Variants in RYR3 observed in about 807,000 individuals in gnomAD.
RYR3 encodes brain ryanodine receptor-calcium release channel.
A neutral mutation model predicts 584.3 loss-of-function variants in RYR3; 207 were observed. The ratio of observed to expected loss-of-function variants is 0.35; its 90% confidence interval spans 0.32 to 0.40. The LOEUF is 0.40. Ranked by LOEUF, RYR3 falls within the 10% of genes least tolerant of loss-of-function variation. The pLI is 1.00. For missense variants in RYR3, 5,616 were observed against 6,089.2 expected (o/e 0.92, Z 2.59); for synonymous variants, 2,416 against 2,248.5 (o/e 1.07, Z -2.11).
chr15:33,336,501 AGAAGGAGGGAAGGAGG>A lies in RYR3; in HGVS notation c.51+25444_51+25459del, dbSNP rs1236824129. 3.1e-4 allele frequency among the ~76,000 whole-genome samples: 6 copies of A among 19,118 alleles called. 2 individuals carry two copies. The highest frequency in any genetic ancestry group is 2.2e-3 in the East Asian group (2 of 922). The allele number at this position is 19,118 out of a possible 152,430, so 12.5% of individuals were successfully genotyped here. ...GAGAGAGAGAGAAAGAAAGAAAGAAAGAAGGAGGGAAGGAGGGAAGGAGGGAAGGAGGGAAGGAGGG... is the reference window on the plus strand; with the variant it reads ...GAGAGAGAGAGAAAGAAAGAAAGAAAGAAGGAGGGAAGGAGGGAAGGAGGG... On this transcript the variant is annotated intron_variant, in intron 1 of 103. Transcript: ENST00000634891.
intron 27 of RYR3, among the ~76,000 whole-genome samples, chr15:33,641,846 G>T (rs946892108): frequency 6.6e-6 from 1 of 152,078 alleles, no homozygotes; most frequent in Non-Finnish European, 1.5e-5. Flanking sequence ...TGCCCCACAG[G>T]GACAACACTT....
chr15:33,843,728 A>C (rs148087820), intron 92 of RYR3, among the ~76,000 whole-genome samples, 154 bp downstream of exon 92: 1 of 152,230 alleles, frequency 6.6e-6, no homozygotes, highest in Non-Finnish European at 1.5e-5. Flanking sequence ...AAAGGAATAC[A>C]ATTTCTAGCA....
chr15:33,375,341 T>C (rs2040645536), intron 1 of RYR3, among the ~76,000 whole-genome samples: 1 of 152,210 alleles, frequency 6.6e-6, no homozygotes, highest in Admixed American at 6.5e-5. Context: ...AGAGAGATGT[T>C]GATTGTTTAG....
chr15:33,556,036 G>A (rs1043621322), intron 10 of RYR3, among the ~76,000 whole-genome samples: 2 of 45,152 alleles, frequency 4.4e-5, no homozygotes, highest in African/African-American at 1.4e-4. Flanking sequence ...CCAGAGACAC[G>A]TGGAAATAGT....
At chr15:33,695,158 TG>T (rs2065747001) in intron 38 of RYR3, among the ~76,000 whole-genome samples, 1 of 152,174 alleles carries the variant, frequency 6.6e-6, no homozygotes, top group Admixed American at 6.5e-5. Context: ...ATCCATACCT[TG>T]TAGGACTGTG....
chr15:33,473,894 C>G (rs1245921176), intron 2 of RYR3, among the ~76,000 whole-genome samples: 1 of 152,142 alleles, frequency 6.6e-6, no homozygotes, highest in East Asian at 1.9e-4. Flanking sequence ...TTACTCCCTG[C>G]TGTTGTTCTA....
In RYR3 at chr15:33,368,561, A is replaced by G. The variant is rs564751950; in HGVS notation, c.51+57465A>G. On this transcript the variant is annotated intron_variant, in intron 1 of 103. Transcript: ENST00000634891. ...GCTGAGATTTCTGGAAAGTGATGAC[A>G]TGGATGGATGAGCCTCCTGGTCCTG... Among the ~76,000 whole-genome samples, 182 of 152,122 alleles carry G rather than the reference A, an allele frequency of 1.2e-3. 1 individual carries two copies. Among genetic ancestry groups the G allele is most frequent in the African/African-American group, 4.3e-3 (178 of 41,510 alleles).
At chr15:33,697,568 A>G (rs532041891) in intron 39 of RYR3, among the ~76,000 whole-genome samples, 40 of 152,336 alleles carry the variant, frequency 2.6e-4, no homozygotes, top group African/African-American at 9.6e-4. Flanking sequence ...TTTAAAGACT[A>G]TTGTCCAAAA....
Position 33,837,844 on chromosome 15 carries a change from C to G in RYR3, c.11864C>G (p.Thr3955Arg). Residue 3955 changes from threonine (T) to arginine (R), a missense_variant, in exon 89 of 104, where the codon ACG (threonine) becomes AGG (arginine). Thr to Arg is a moderately conservative substitution (Grantham distance 71, BLOSUM62 -1). Around this residue, in one of 9 missense-constraint regions of RYR3, gnomAD observed 258 missense variants for 297.3 expected, o/e 0.87. Coordinates refer to ENST00000634891, the MANE Select transcript of RYR3 (RefSeq NM_001036.6). ...QKAMEGQKQY[T>R]QSEIDFLLSC... is the part of the protein sequence containing the mutation. The stretch of plus-strand genomic sequence containing the variant: ...GCCATGGAAGGGCAAAAACAGTACA[C>G]GCAGTCAGAGATTGACTTTCTCCTG... 1 of 1,613,984 alleles carries G rather than the reference C, an allele frequency of 6.2e-7. No individual in the cohort carries two copies. Among genetic ancestry groups the G allele is most frequent in the East Asian group, 2.2e-5 (1 of 44,884 alleles).
intron 16 of RYR3, among the ~76,000 whole-genome samples, chr15:33,594,485 CAA>C (rs1334521212): frequency 5.9e-5 from 9 of 152,110 alleles, no homozygotes; most frequent in Admixed American, 5.9e-4. Flanking sequence ...TAAAACAAAA[CAA>C]AGTATCAGCA....
chr15:33,647,317 G>T, intron 29 of RYR3, 107 bp from the exon 30 acceptor site: 2 of 847,468 alleles, frequency 2.4e-6, no homozygotes, highest in Non-Finnish European at 3.9e-6. Context: ...GGAGTAGCCA[G>T]TTTCCTAAAC....
chr15:33,664,916 A>G (rs576316130), intron 36 of RYR3, among the ~76,000 whole-genome samples: 1 of 152,310 alleles, frequency 6.6e-6, no homozygotes, highest in East Asian at 1.9e-4. Context: ...CTTGGCTTTC[A>G]AAAGACTCTC....
At chr15:33,313,324 C>A (rs571632427) in intron 1 of RYR3, among the ~76,000 whole-genome samples, 17 of 152,302 alleles carry the variant, frequency 1.1e-4, no homozygotes, top group Admixed American at 9.1e-4. Context: ...TACATTCCCG[C>A]TAGAGCCTGG....
intron 19 of RYR3, among the ~76,000 whole-genome samples, chr15:33,619,796 G>C (rs905127936): frequency 2.6e-5 from 4 of 152,168 alleles, no homozygotes; most frequent in Admixed American, 1.3e-4. Context: ...CTAGAGTTGA[G>C]ACCCAGGGAG....
intron 2 of RYR3, among the ~76,000 whole-genome samples, chr15:33,482,128 G>T (rs2050030509): frequency 6.6e-6 from 1 of 151,984 alleles, no homozygotes; most frequent in Non-Finnish European, 1.5e-5. Flanking sequence ...CTTCAGATCT[G>T]CTGGGGACAA....
At chr15:33,409,720 G>A (rs1249036095) in intron 1 of RYR3, among the ~76,000 whole-genome samples, 1 of 152,206 alleles carries the variant, frequency 6.6e-6, no homozygotes, top group Non-Finnish European at 1.5e-5. Flanking sequence ...GGGTGTACGA[G>A]AGAGAGAATC....
intron 1 of RYR3, among the ~76,000 whole-genome samples, chr15:33,435,938 C>A (rs531045392): frequency 3.7e-4 from 56 of 152,296 alleles, no homozygotes; most frequent in African/African-American, 1.3e-3. Context: ...CCATGTCCTG[C>A]TGATTGGTCC....
At chr15:33,800,987 G>A (rs557652630) in intron 68 of RYR3, 130 bp downstream of exon 68, 24 of 683,986 alleles carry the variant, frequency 3.5e-5, no homozygotes, top group African/African-American at 2.7e-4. Flanking sequence ...TGAGGACCAC[G>A]ACCCATGACA....
chr15:33,562,791 T>C (rs766011249), intron 10 of RYR3, 46 bp from the exon 11 acceptor site: 2 of 1,440,194 alleles, frequency 1.4e-6, no homozygotes, highest in South Asian at 2.4e-5. Flanking sequence ...GAGCTTCTAA[T>C]TTAATCAGCT....
Sources: gnomAD v4.1 joint callset for allele counts (sites outside exome capture counted in the v4.1 genomes callset) on GRCh38, gnomAD v4.1.1 for gene constraint, gnomAD v4.1.1 regional missense constraint, MANE v1.5 for transcripts, NCBI Gene and HGNC (gene_info 2026-07-23, HGNC 2026-07-21) for gene names.